The following ASB3 variants were observed in gnomAD, a reference collection of about 807,000 sequenced individuals.
ASB3 encodes the protein ankyrin repeat and SOCS box protein 3.
Under a neutral mutation model 54.5 loss-of-function variants are expected in ASB3, and 41 were observed. That is an observed-to-expected ratio of 0.75 (90% CI 0.59 to 0.98). ASB3 has a LOEUF of 0.98. ASB3 is among the 50% of genes least tolerant of loss of function. The probability of loss-of-function intolerance (pLI) is 0.00; values close to 1 mark genes in which losing one functional copy is unlikely to be tolerated. For missense variants in ASB3, 733 were observed against 620.0 expected (o/e 1.18, Z -1.94); for synonymous variants, 266 against 221.2 (o/e 1.20, Z -1.80).
At position 53,713,676 on chromosome 2, in the gene ASB3, G is replaced by T. The variant is rs184598408; in HGVS notation, c.980+708C>A. Among the ~76,000 whole-genome samples, 749 of 152,270 alleles carry T rather than the reference G, an allele frequency of 4.9e-3. 7 individuals carry two copies. Among genetic ancestry groups the T allele is most frequent in the Non-Finnish European group, 6.5e-3 (443 of 68,012 alleles). On this transcript the variant is annotated intron_variant, in intron 7 of 9. Coordinates refer to ENST00000263634, the MANE Select transcript of ASB3 (RefSeq NM_016115.5). ...GCCTGACATCCCAGCATTTTGGGAG[G>T]CCGAGGCAAGGGAACTGCTTGAGCC...
chr2:53,777,592 AT>A, intron 1 of ASB3, among the ~76,000 whole-genome samples: 1 of 151,768 alleles, frequency 6.6e-6, no homozygotes, highest in East Asian at 2.0e-4. Context: ...ATGGAAACTT[AT>A]TGTACTAAAA....
chr2:53,785,558 G>A lies in ASB3; in HGVS notation c.-14+1263C>T, dbSNP rs989791893. On this transcript the variant is annotated intron_variant, in intron 1 of 9. Coordinates refer to ENST00000263634, the MANE Select transcript of ASB3 (RefSeq NM_016115.5). ...TTATTTGGCATTTTACCAAGCCCAG[G>A]GGGGCCAGGCACAGTGGCTCAGGCC... Among the ~76,000 whole-genome samples, 10 of 152,324 alleles carry A rather than the reference G, an allele frequency of 6.6e-5. No homozygotes were observed. The East Asian group carries it at 9.6e-4, about 15-fold the overall frequency.
intron 3 of ASB3, among the ~76,000 whole-genome samples, chr2:53,738,709 T>G (rs962104716): frequency 6.6e-6 from 1 of 152,156 alleles, no homozygotes; most frequent in Non-Finnish European, 1.5e-5. Context: ...TTGGAGTAAG[T>G]GTCAAAGACA....
intron 1 of ASB3, among the ~76,000 whole-genome samples, chr2:53,786,027 G>C (rs1674963687): frequency 1.3e-5 from 2 of 152,084 alleles, no homozygotes; most frequent in Admixed American, 1.3e-4. Flanking sequence ...TTTTTGATTT[G>C]GTTCAAATCT....
chr2:53,701,198 C>T (rs1007471486), intron 7 of ASB3, among the ~76,000 whole-genome samples: 2 of 152,122 alleles, frequency 1.3e-5, no homozygotes, highest in Non-Finnish European at 1.5e-5. Flanking sequence ...TGGTCTCAAA[C>T]TCCTGGCCTC....
intron 7 of ASB3, among the ~76,000 whole-genome samples, chr2:53,702,134 A>G (rs1669526048): frequency 6.6e-6 from 1 of 152,194 alleles, no homozygotes; most frequent in Non-Finnish European, 1.5e-5. Flanking sequence ...ACCTCTTCCA[A>G]TTATTCACAT....
chr2:53,682,154 C>T (rs1287082610), intron 9 of ASB3, among the ~76,000 whole-genome samples: 123 of 139,764 alleles, frequency 8.8e-4, no homozygotes, highest in African/African-American at 3.0e-3. Context: ...AACGAGACTC[C>T]GTCTCAAAAA....
chr2:53,744,970 A>C (rs1672145855), intron 3 of ASB3, among the ~76,000 whole-genome samples: 1 of 152,178 alleles, frequency 6.6e-6, no homozygotes, highest in East Asian at 1.9e-4. Flanking sequence ...AAAATGAAAA[A>C]CCATCCATCA....
At chr2:53,681,319 G>A (rs973833099) in intron 9 of ASB3, among the ~76,000 whole-genome samples, 9 of 152,150 alleles carry the variant, frequency 5.9e-5, no homozygotes, top group African/African-American at 1.2e-4. Context: ...TCTGTGGGCC[G>A]TCTCTTCTCT....
chr2:53,721,941 T>C (rs1013350701), intron 5 of ASB3, among the ~76,000 whole-genome samples: 1 of 151,932 alleles, frequency 6.6e-6, no homozygotes, highest in Admixed American at 6.6e-5. Flanking sequence ...ATTGACAGAC[T>C]GCTAGCTAGA....
chr2:53,690,754 T>C (rs1308897989), intron 9 of ASB3, among the ~76,000 whole-genome samples: 1 of 152,112 alleles, frequency 6.6e-6, no homozygotes, highest in African/African-American at 2.4e-5. Flanking sequence ...TTTACTGTTT[T>C]GTGATAATAT....
intron 9 of ASB3, among the ~76,000 whole-genome samples, chr2:53,675,406 A>T (rs770598312): frequency 1.3e-5 from 2 of 152,148 alleles, no homozygotes; most frequent in Non-Finnish European, 2.9e-5. Flanking sequence ...AAGGTATAAG[A>T]CTCCTTTAAA....
chr2:53,699,904 T>C (rs1309146266), intron 8 of ASB3, among the ~76,000 whole-genome samples: 1 of 152,204 alleles, frequency 6.6e-6, no homozygotes, highest in Non-Finnish European at 1.5e-5. Flanking sequence ...GGCAGGACTA[T>C]TCAGTCTGGT....
chr2:53,670,837 A>G (rs535516769), intron 9 of ASB3, 147 bp from the exon 10 acceptor site: 6 of 937,414 alleles, frequency 6.4e-6, no homozygotes, highest in Admixed American at 3.0e-5. Flanking sequence ...TATGACCACA[A>G]TAAACCTTAT....
At chr2:53,771,046 A>C (rs866037263) in intron 1 of ASB3, among the ~76,000 whole-genome samples, 6 of 152,170 alleles carry the variant, frequency 3.9e-5, no homozygotes, top group Admixed American at 6.5e-5. Context: ...ATCAGCAGGA[A>C]AGTTGTTACA....
rs768590189 is a variant in ASB3, at chr2:53,714,416, G to C, written c.948C>G (p.Phe316Leu). ...PDAQACLVFGFSSPVCMAFQK... is the reference protein window; with the variant it reads ...PDAQACLVFGLSSPVCMAFQK... The stretch of plus-strand genomic sequence containing the variant: ...GGAAAGCCATGCACACAGGAGAACT[G>C]AATCCAAAAACAAGGCACGCCTGGG... The change falls in exon 7 of 10, where the codon TTC becomes TTG. Residue 316 changes from phenylalanine to leucine, a missense_variant. Coordinates refer to ENST00000263634, the MANE Select transcript of ASB3 (RefSeq NM_016115.5). The C allele has an allele frequency of 2.5e-6, 4 of 1,614,216 alleles. No homozygotes were observed. The highest frequency in any genetic ancestry group is 1.7e-6 in the Non-Finnish European group (2 of 1,180,012).
In ASB3 at chr2:53,700,221, T is replaced by TA. The variant is rs770075032; in HGVS notation, c.1238+49dup. The TA allele has an allele frequency of 1.3e-5, 20 of 1,570,622 alleles. No homozygotes were observed. In the East Asian group the frequency reaches 4.3e-4, roughly 34 times the overall value. ...GATCTCAACTGAAGGAAATTAAAGG[T>TA]AGTATATTCACTCAAAAAGGGTAAG... On this transcript the variant is annotated intron_variant, in intron 8 of 9. Transcript: ENST00000263634.
At chr2:53,698,728 C>A (rs892246618) in intron 8 of ASB3, among the ~76,000 whole-genome samples, 1 of 152,180 alleles carries the variant, frequency 6.6e-6, no homozygotes, top group Non-Finnish European at 1.5e-5. Flanking sequence ...CCTTTGCTAT[C>A]CATACTTCTA....
At chr2:53,774,057 T>G in intron 1 of ASB3, 23 of 1,338,814 alleles carry the variant, frequency 1.7e-5, no homozygotes, top group Non-Finnish European at 2.1e-5. Flanking sequence ...AAAGAATATA[T>G]GAGATACTCC....
Sources: allele counts gnomAD v4.1 joint callset (sites outside exome capture counted in the v4.1 genomes callset), GRCh38; gene constraint gnomAD v4.1.1; transcripts MANE v1.5; gene names NCBI Gene and HGNC (gene_info 2026-07-23, HGNC 2026-07-21).